SERPINB8: variants seen among roughly 807,000 people sequenced by gnomAD.
The protein encoded by SERPINB8 is serpin family B member 8, also known as serpin B8.
In SERPINB8, 25 loss-of-function variants were observed where a neutral mutation model predicts 35.3. That is an observed-to-expected ratio of 0.71 (90% CI 0.52 to 0.99). The LOEUF (loss-of-function observed/expected upper bound fraction) is 0.99. Among genes scored for constraint, SERPINB8 ranks in the 50% least tolerant of loss-of-function variants. The pLI is 0.00. For synonymous variants in SERPINB8, 186 were observed against 160.8 expected, an observed-to-expected ratio of 1.16 and a Z score of -1.19; for missense variants, 484 against 446.5, an observed-to-expected ratio of 1.08 and a Z score of -0.76.
intron 3 of SERPINB8, among the ~76,000 whole-genome samples, chr18:63,981,482 T>A (rs1433429605): frequency 6.6e-6 from 1 of 152,170 alleles, no homozygotes; most frequent in Non-Finnish European, 1.5e-5. Context: ...CCTGTAAGTG[T>A]CTGGGTGTCT....
chr18:63,994,820 C>T (rs1007803859), intron 1 of SERPINB8, among the ~76,000 whole-genome samples: 4 of 152,122 alleles, frequency 2.6e-5, no homozygotes, highest in African/African-American at 9.7e-5. Context: ...ATTTTTATGC[C>T]ACTACTGCTG....
intron 7 of SERPINB8, among the ~76,000 whole-genome samples, chr18:64,018,490 A>G (rs2144855341): frequency 6.6e-6 from 1 of 152,184 alleles, no homozygotes; most frequent in East Asian, 1.9e-4. Flanking sequence ...TTTTGTAAAC[A>G]TGTAGATCTA....
At chr18:63,993,293 C>T (rs1188320256), downstream of SERPINB8, among the ~76,000 whole-genome samples, 1 of 151,898 alleles carries the variant, frequency 6.6e-6, no homozygotes, top group East Asian at 1.9e-4. Flanking sequence ...TCTGATTTTC[C>T]TTTTGATTTC....
intron 7 of SERPINB8, among the ~76,000 whole-genome samples, chr18:64,012,592 C>CGCGT (rs2050930691): frequency 1.4e-5 from 2 of 145,228 alleles, no homozygotes; most frequent in Admixed American, 1.4e-4. Context: ...TGTGTGTGTG[C>CGCGT]GTGTGTGTGT....
chr18:64,009,976 C>T (rs556144581), downstream of SERPINB8, among the ~76,000 whole-genome samples: 5 of 151,832 alleles, frequency 3.3e-5, no homozygotes, highest in Non-Finnish European at 5.9e-5. Flanking sequence ...AAAAATATAT[C>T]ATAAAAATTA....
intron 1 of SERPINB8, among the ~76,000 whole-genome samples, chr18:63,976,889 G>C (rs1194595645): frequency 6.6e-6 from 1 of 151,798 alleles, no homozygotes; most frequent in Non-Finnish European, 1.5e-5. Context: ...GCATCTTTTT[G>C]GAGTCACTTT....
In SERPINB8 at chr18:63,983,663, A is replaced by T; in HGVS notation, c.509A>T (p.Lys170Met). The change falls in exon 5 of 7, where the codon AAG (lysine) becomes ATG (methionine). Residue 170 changes from lysine to methionine, a missense_variant. Physicochemically the swap from Lys to Met is moderately conservative, Grantham distance 95. Coordinates refer to ENST00000397985, the MANE Select transcript of SERPINB8 (RefSeq NM_002640.4). Reference sequence around the variant, plus strand: ...GTGAATGCCATTTATTTCAAGGGAAAGTGGAATGAGCAATTTGACAGAAAG... The same window carrying T: ...GTGAATGCCATTTATTTCAAGGGAATGTGGAATGAGCAATTTGACAGAAAG... ...VLVNAIYFKGKWNEQFDRKYT... is the reference protein window; with the variant it reads ...VLVNAIYFKGMWNEQFDRKYT... 1 of 1,614,034 alleles carries T rather than the reference A, an allele frequency of 6.2e-7. No homozygotes were observed. The highest frequency in any genetic ancestry group is 8.5e-7 in the Non-Finnish European group (1 of 1,179,886).
chr18:63,996,243 A>G (rs2050848636), intron 1 of SERPINB8, among the ~76,000 whole-genome samples: 1 of 152,222 alleles, frequency 6.6e-6, no homozygotes, highest in Non-Finnish European at 1.5e-5. Flanking sequence ...CTTGAGGCAA[A>G]GTTCCTGAGA....
downstream of SERPINB8, among the ~76,000 whole-genome samples, chr18:64,008,807 G>A (rs1016846066): frequency 6.6e-6 from 1 of 152,092 alleles, no homozygotes; most frequent in African/African-American, 2.4e-5. Flanking sequence ...CTAAACACTG[G>A]TCAGATTCTG....
intron 1 of SERPINB8, among the ~76,000 whole-genome samples, chr18:63,976,032 C>A (rs1049831524): frequency 5.9e-5 from 9 of 152,178 alleles, no homozygotes; most frequent in African/African-American, 2.2e-4. Flanking sequence ...TAATTTATAT[C>A]TCTAGATAGA....
At chr18:63,983,873 G>T (rs567205650) in intron 5 of SERPINB8, 152 bp downstream of exon 5, 40 of 579,640 alleles carry the variant, frequency 6.9e-5, no homozygotes, top group African/African-American at 5.6e-4. Flanking sequence ...TTGAGACAGG[G>T]TCTCTTTTTG....
At position 63,981,779 on chromosome 18, in the gene SERPINB8, C is replaced by T. The variant is rs764373314; in HGVS notation, c.365C>T (p.Ala122Val). 2.5e-6 allele frequency: 4 copies of T among 1,613,910 alleles called. No individual in the cohort carries two copies. The change falls in exon 4 of 7, where the codon GCT becomes GTT. Residue 122 changes from alanine (A) to valine (V), a missense_variant. Transcript: ENST00000397985. ...YQAELEELSF[A>V]EDTEECRKHI... is the part of the protein sequence containing the mutation. ...GCAGAGCTGGAGGAGTTGTCCTTTG[C>T]TGAAGACACTGAAGAGTGCAGGAAG...
At chr18:63,996,290 G>A (rs566213979) in intron 1 of SERPINB8, among the ~76,000 whole-genome samples, 9 of 152,266 alleles carry the variant, frequency 5.9e-5, no homozygotes, top group Middle Eastern at 3.4e-3. Flanking sequence ...TCTGGCCTGC[G>A]CACATGGCCT....
chr18:63,973,454 T>C (rs1214489288), intron 1 of SERPINB8, among the ~76,000 whole-genome samples: 1 of 152,234 alleles, frequency 6.6e-6, no homozygotes, highest in Non-Finnish European at 1.5e-5. Flanking sequence ...CTGTTTACTC[T>C]GATGGTAGTT....
Position 63,973,138 on chromosome 18 carries a change from C to T in SERPINB8, c.-11+2968C>T, listed in dbSNP as rs374921866. Among the ~76,000 whole-genome samples the T allele has an allele frequency of 4.6e-4, 70 of 152,322 alleles. No individual in the cohort carries two copies. In the East Asian group the frequency reaches 0.012, roughly 25 times the overall value. ...TAAAAGTGTTCCTTTTTCTCCACAT[C>T]CTCTCCAGCACCTGTTGTTTCCTGA... On this transcript the variant is annotated intron_variant, in intron 1 of 6. Coordinates refer to ENST00000397985, the MANE Select transcript of SERPINB8 (RefSeq NM_002640.4).
rs186156194 is a variant in SERPINB8 at position 63,988,443 on chromosome 18, G to C, written c.*1165G>C. 1.4e-3 allele frequency: 218 copies of C among 152,108 alleles called. 1 individual carries two copies. Among genetic ancestry groups the C allele is most frequent in the African/African-American group, 5.2e-3 (214 of 41,458 alleles). 9.4% of individuals were successfully genotyped at this position (152,108 alleles called of 1,614,324 possible). A position where few individuals can be genotyped will look rare whatever the true frequency, so the allele number is the denominator to read the frequency against. On this transcript the variant is annotated 3_prime_UTR_variant, in exon 7 of 7. Transcript: ENST00000397985. Reference sequence around the variant, plus strand: ...TAATAATATATATTATGCTGTTTTGGATATACTAAATATTTGCTCACATCC... The same window carrying C: ...TAATAATATATATTATGCTGTTTTGCATATACTAAATATTTGCTCACATCC...
intron 1 of SERPINB8, among the ~76,000 whole-genome samples, chr18:63,998,637 C>T (rs1048695740): frequency 2.0e-5 from 3 of 152,166 alleles, no homozygotes; most frequent in African/African-American, 7.2e-5. Flanking sequence ...GCACACCCCT[C>T]TTTTAAAATT....
At chr18:63,989,906 G>C (rs1340694421), downstream of SERPINB8, among the ~76,000 whole-genome samples, 1 of 110,080 alleles carries the variant, frequency 9.1e-6, no homozygotes, top group African/African-American at 3.6e-5. Context: ...TCCCGCCACT[G>C]CACTCCAGCC....
At chr18:64,001,098 A>G (rs2050872229) in intron 1 of SERPINB8, among the ~76,000 whole-genome samples, 1 of 152,222 alleles carries the variant, frequency 6.6e-6, no homozygotes, top group Admixed American at 6.5e-5. Context: ...TTTGATTAGA[A>G]TAGTATGTTG....
Sources: gnomAD v4.1 joint callset for allele counts (sites outside exome capture counted in the v4.1 genomes callset) on GRCh38, gnomAD v4.1.1 for gene constraint, MANE v1.5 for transcripts, NCBI Gene and HGNC (gene_info 2026-07-23, HGNC 2026-07-21) for gene names.